The following PRTN3 variants were observed in gnomAD, a reference collection of about 807,000 sequenced individuals.
PRTN3 encodes the protein proteinase 3.
PRTN3 carries 22 observed loss-of-function variants against 20.7 expected under a neutral mutation model. The ratio of observed to expected loss-of-function variants is 1.06; its 90% CI spans 0.76 to 1.52. The LOEUF (loss-of-function observed/expected upper bound fraction) is 1.52. Among genes scored for constraint, PRTN3 ranks in the 40% most tolerant of loss-of-function variants. The pLI, the probability that PRTN3 is intolerant of heterozygous loss-of-function variation, is 0.00. For synonymous variants in PRTN3, 173 were observed against 152.9 expected (o/e 1.13, Z -0.97); for missense variants, 378 against 359.6 (o/e 1.05, Z -0.41).
intron 2 of PRTN3, 49 bp from the exon 3 acceptor site, chr19:843,844 C>A: frequency 2.0e-6 from 3 of 1,534,190 alleles, no homozygotes; most frequent in Non-Finnish European, 1.8e-6. Context: ...CGGCTGTGGG[C>A]GGCGGCGAGT....
intron 4 of PRTN3, among the ~76,000 whole-genome samples, 197 bp from the exon 5 acceptor site, chr19:847,602 A>G (rs547209200): frequency 5.3e-5 from 8 of 152,250 alleles, no homozygotes; most frequent in African/African-American, 1.7e-4. Flanking sequence ...AGAAAGTTCC[A>G]TATTGGAAGC....
At chr19:847,227 G>A (rs1446204109) in intron 4 of PRTN3, among the ~76,000 whole-genome samples, 1 of 152,064 alleles carries the variant, frequency 6.6e-6, no homozygotes, top group East Asian at 1.9e-4. Flanking sequence ...GATCACTTGA[G>A]CCTGGGGAGT....
At chr19:846,751 G>GT (rs969217959) in intron 4 of PRTN3, among the ~76,000 whole-genome samples, 2 of 151,902 alleles carry the variant, frequency 1.3e-5, no homozygotes, top group Non-Finnish European at 2.9e-5. Context: ...CACACTTTTT[G>GT]TTTGTTTTTG....
In PRTN3 at chr19:847,201, G is replaced by C. The variant is rs188635104; in HGVS notation, c.601-598G>C. ...TGAGCCTGTAGGCCCAGCTACTCAGGAGGCTAAGGCAGGAGGATCACTTGA... is the reference window on the plus strand; with the variant it reads ...TGAGCCTGTAGGCCCAGCTACTCAGCAGGCTAAGGCAGGAGGATCACTTGA... On this transcript the variant is annotated intron_variant, in intron 4 of 4. Transcript: ENST00000234347. Among the ~76,000 whole-genome samples, 10 of 152,260 alleles carry C rather than the reference G, an allele frequency of 6.6e-5. No individual in the cohort carries two copies. In the East Asian group the frequency reaches 1.9e-3, roughly 29 times the overall value.
chr19:848,141 C>T lies in PRTN3; in HGVS notation c.*172C>T, dbSNP rs1568301481. 2.6e-6 allele frequency: 2 copies of T among 768,700 alleles called. No individual in the cohort carries two copies. Among genetic ancestry groups the T allele is most frequent in the Non-Finnish European group, 4.1e-6 (2 of 492,726 alleles). The allele number at this position is 768,700 out of a possible 1,614,324, so 47.6% of individuals were successfully genotyped here. ...CGGGAGACAGGCCGGCCCTGCACCT[C>T]ACCCCACCGTGACCTCAATAAACGT... On this transcript the variant is annotated 3_prime_UTR_variant, in exon 5 of 5. Transcript: ENST00000234347.
chr19:841,442 G>T (rs985102780), intron 1 of PRTN3, among the ~76,000 whole-genome samples: 39 of 152,142 alleles, frequency 2.6e-4, no homozygotes, highest in Admixed American at 9.2e-4. Context: ...GTGAGTGAAT[G>T]AGTGAACAAA....
chr19:842,611 C>T (rs375361223), intron 1 of PRTN3, among the ~76,000 whole-genome samples: 728 of 68,822 alleles, frequency 0.011, 11 homozygotes, highest in African/African-American at 0.064. Flanking sequence ...TTTTTTGAGA[C>T]GGAGTGTCAT....
intron 3 of PRTN3, among the ~76,000 whole-genome samples, chr19:845,888 C>G (rs1242114638): frequency 6.6e-6 from 1 of 151,342 alleles, no homozygotes; most frequent in Admixed American, 6.6e-5. Context: ...CCGGGAGGTT[C>G]CAGTGAGCCG....
rs763980661 is a variant in PRTN3, at chr19:847,947, T to TGGA, written c.752_754dup (p.Glu251dup). The TGGA allele has an allele frequency of 6.2e-7, 1 of 1,604,022 alleles. No individual in the cohort carries two copies. Among genetic ancestry groups the TGGA allele is most frequent in the Non-Finnish European group, 8.5e-7 (1 of 1,175,298 alleles). On this transcript the variant is annotated inframe_insertion, in exon 5 of 5. Coordinates refer to ENST00000234347, the MANE Select transcript of PRTN3 (RefSeq NM_002777.4). ...TGGATCCGTTCCACGCTGCGCCGTG[T>TGGA]GGAGGCCAAGGGCCGCCCCTGAACC... is the stretch of plus-strand genomic sequence containing the variant.
At position 842,413 on chromosome 19, in the gene PRTN3, A is replaced by ATTTTTTTTTT. The variant is rs34047197; in HGVS notation, c.62-1033_62-1024dup. Among the ~76,000 whole-genome samples, 36 of 39,416 alleles carry ATTTTTTTTTT rather than the reference A, an allele frequency of 9.1e-4. 12 individuals are homozygous for ATTTTTTTTTT. Among genetic ancestry groups the ATTTTTTTTTT allele is most frequent in the African/African-American group, 3.8e-3 (26 of 6,792 alleles). The allele number at this position is 39,416 out of a possible 152,430, so 25.9% of individuals were successfully genotyped here. On this transcript the variant is annotated intron_variant, in intron 1 of 4. Coordinates refer to ENST00000234347, the MANE Select transcript of PRTN3 (RefSeq NM_002777.4). Reference sequence around the variant, plus strand: ...TCAGGCATGAGCCACTGCGCCCAGGATTTTTTTTTTTTTTTTTTTTTTTTG... The same window carrying ATTTTTTTTTT: ...TCAGGCATGAGCCACTGCGCCCAGGATTTTTTTTTTTTTTTTTTTTTTTTTTTTTTTTTTG...
At chr19:842,851 G>T (rs1050875715) in intron 1 of PRTN3, among the ~76,000 whole-genome samples, 1 of 152,064 alleles carries the variant, frequency 6.6e-6, no homozygotes, top group Non-Finnish European at 1.5e-5. Flanking sequence ...GCCTCCCAAA[G>T]TATTGGGATT....
Position 848,055 on chromosome 19 carries a change from C to A in PRTN3, c.*86C>A. The A allele has an allele frequency of 6.8e-7, 1 of 1,470,638 alleles. No homozygotes were observed. Among genetic ancestry groups the A allele is most frequent in the South Asian group, 1.3e-5 (1 of 78,300 alleles). The allele number at this position is 1,470,638 out of a possible 1,614,324, so 91.1% of individuals were successfully genotyped here. ...TCTTTGGACAGAAGCAGCTCTTCCCCGAACACTGTGGCGTCCGGGACGGCC... is the reference window on the plus strand; with the variant it reads ...TCTTTGGACAGAAGCAGCTCTTCCCAGAACACTGTGGCGTCCGGGACGGCC... On this transcript the variant is annotated 3_prime_UTR_variant, in exon 5 of 5. Transcript: ENST00000234347.
intron 1 of PRTN3, among the ~76,000 whole-genome samples, chr19:841,873 G>GC (rs1326371211): frequency 6.8e-6 from 1 of 146,860 alleles, no homozygotes; most frequent in African/African-American, 2.5e-5. Context: ...GACTACAGGC[G>GC]CCCACCACCA....
In PRTN3 at chr19:846,159, G is replaced by T. The variant is rs757571011; in HGVS notation, c.382G>T (p.Ala128Ser). 7 of 1,466,066 alleles carry T rather than the reference G, an allele frequency of 4.8e-6. No homozygotes were observed. The South Asian group carries it at 9.4e-5, about 20-fold the overall frequency. 90.8% of individuals were successfully genotyped at this position (1,466,066 alleles called of 1,614,324 possible). The change falls in exon 4 of 5, where the codon GCC becomes TCC. Residue 128 changes from alanine to serine, a missense_variant. Coordinates refer to ENST00000234347, the MANE Select transcript of PRTN3 (RefSeq NM_002777.4). Reference protein sequence around the residue: ...DVLLIQLSSPANLSASVATVQ... With the variant: ...DVLLIQLSSPSNLSASVATVQ... ...CCTTCTGCCCCAGCTGAGCAGCCCA[G>T]CCAACCTCAGTGCCTCCGTCGCCAC...
intron 1 of PRTN3, 58 bp from the exon 2 acceptor site, chr19:843,403 C>T (rs1401802936): frequency 4.4e-5 from 65 of 1,474,336 alleles, no homozygotes; most frequent in Non-Finnish European, 5.7e-5. Flanking sequence ...GCTGCTCTGC[C>T]ATCCCCCCTT....
At position 846,266 on chromosome 19, in the gene PRTN3, C is replaced by T. The variant is rs778984949; in HGVS notation, c.489C>T (p.His163=). 1.2e-5 allele frequency: 19 copies of T among 1,575,042 alleles called. No individual in the cohort carries two copies. The highest frequency in any genetic ancestry group is 5.8e-5 in the South Asian group (5 of 85,842). ...TGGGCTGGGGCCGCGTGGGTGCCCACGACCCCCCAGCCCAGGTCCTGCAGG... is the reference window on the plus strand; with the variant it reads ...TGGGCTGGGGCCGCGTGGGTGCCCATGACCCCCCAGCCCAGGTCCTGCAGG... The part of the protein sequence containing the change: ...LAMGWGRVGA[H]DPPAQVLQEL... The change falls in exon 4 of 5, where the codon CAC becomes CAT. Residue 163 remains histidine, a synonymous_variant. Coordinates refer to ENST00000234347, the MANE Select transcript of PRTN3 (RefSeq NM_002777.4).
intron 4 of PRTN3, 59 bp from the exon 5 acceptor site, chr19:847,740 C>T (rs1267543001): frequency 6.5e-7 from 1 of 1,535,012 alleles, no homozygotes; most frequent in African/African-American, 1.4e-5. Flanking sequence ...TGGCCGTCCC[C>T]ATCCTCCAGG....
chr19:842,722 G>A (rs572195968), intron 1 of PRTN3, among the ~76,000 whole-genome samples: 18 of 151,234 alleles, frequency 1.2e-4, no homozygotes, highest in Admixed American at 4.0e-4. Context: ...GGAGTAGCTG[G>A]GACTACAGGC....
chr19:847,342 C>T lies in PRTN3; in HGVS notation c.601-457C>T, dbSNP rs555915098. On this transcript the variant is annotated intron_variant, in intron 4 of 4. Transcript: ENST00000234347. Reference sequence around the variant, plus strand: ...CAGCCAGCTACTCGGGAGGCCGAGGCAGGAGAATCACTTGAACCCGGGAGG... The same window carrying T: ...CAGCCAGCTACTCGGGAGGCCGAGGTAGGAGAATCACTTGAACCCGGGAGG... Among the ~76,000 whole-genome samples, 87 of 151,662 alleles carry T rather than the reference C, an allele frequency of 5.7e-4. 1 individual carries two copies. The East Asian group carries it at 0.013, about 22-fold the overall frequency.
Sources: gnomAD v4.1 joint callset for allele counts (sites outside exome capture counted in the v4.1 genomes callset) on GRCh38, gnomAD v4.1.1 for gene constraint, MANE v1.5 for transcripts, NCBI Gene and HGNC (gene_info 2026-07-23, HGNC 2026-07-21) for gene names.